The following ARHGAP44 variants were observed in gnomAD, a reference collection of about 807,000 sequenced individuals.
The protein encoded by ARHGAP44 is Rho GTPase activating protein 44, also known as rho GTPase-activating protein 44.
Under a neutral mutation model 106.8 loss-of-function variants are expected in ARHGAP44, and 43 were observed. The ratio of observed to expected loss-of-function variants is 0.40; its 90% CI spans 0.32 to 0.52. ARHGAP44 has a LOEUF of 0.52. Ranked by LOEUF, ARHGAP44 falls within the 20% of genes least tolerant of loss-of-function variation. ARHGAP44 has a pLI of 0.48. For missense variants in ARHGAP44, 866 were observed against 1,050.5 expected (o/e 0.82, Z 2.43); for synonymous variants, 439 against 410.3 (o/e 1.07, Z -0.85).
chr17:12,984,630 C>A lies in ARHGAP44; in HGVS notation c.2039C>A (p.Ser680Tyr), dbSNP rs1322810795. The change falls in exon 20 of 21, where the codon TCC becomes TAC. Residue 680 changes from serine to tyrosine, a missense_variant. Around this residue, in one of 2 missense-constraint regions of ARHGAP44, gnomAD observed 418 missense variants for 403.6 expected, o/e 1.04. Transcript: ENST00000379672. The part of the protein sequence containing the change: ...SAGQPSPVSL[S>Y]PTPPSTPSPY... ...GGCCAGCCGTCCCCAGTCAGCCTGT[C>A]CCCCACCCCGCCCAGCACCCCGTCA... 1 of 1,611,998 alleles carries A rather than the reference C, an allele frequency of 6.2e-7. No homozygotes were observed. The highest frequency in any genetic ancestry group is 8.5e-7 in the Non-Finnish European group (1 of 1,179,346).
chr17:12,961,924 A>G (rs1376619566), intron 16 of ARHGAP44, among the ~76,000 whole-genome samples: 3 of 152,192 alleles, frequency 2.0e-5, no homozygotes, highest in East Asian at 1.9e-4. Flanking sequence ...TTGAGTCCCT[A>G]TGTTATCTTA....
intron 1 of ARHGAP44, among the ~76,000 whole-genome samples, chr17:12,843,264 C>T (rs891808425): frequency 2.0e-5 from 3 of 152,156 alleles, no homozygotes; most frequent in African/African-American, 4.8e-5. Context: ...TTTCTCCCCC[C>T]ACCTCCCCAT....
chr17:12,977,808 G>A (rs543400014), intron 18 of ARHGAP44, among the ~76,000 whole-genome samples: 57 of 152,188 alleles, frequency 3.7e-4, no homozygotes, highest in Non-Finnish European at 6.9e-4. Context: ...GGGTGGCCGA[G>A]GGGGGTGGAT....
chr17:12,958,851 A>T lies in ARHGAP44; in HGVS notation c.1477A>T (p.Ser493Cys). 1 of 1,612,152 alleles carries T rather than the reference A, an allele frequency of 6.2e-7. No individual in the cohort carries two copies. Among genetic ancestry groups the T allele is most frequent in the Non-Finnish European group, 8.5e-7 (1 of 1,179,146 alleles). Residue 493 changes from serine to cysteine, a missense_variant, in exon 16 of 21, where the codon AGC (serine) becomes TGC (cysteine). Physicochemically the swap from Ser to Cys is moderately radical, Grantham distance 112 (BLOSUM62 -1). Around this residue, in one of 2 missense-constraint regions of ARHGAP44, gnomAD observed 448 missense variants for 646.9 expected, o/e 0.69. Transcript: ENST00000379672. The surrounding 1 kb of genome is among the most constrained non-coding windows in gnomAD (Gnocchi z 4.1). Reference sequence around the variant, plus strand: ...GCCCGAGCAGGCCCGCCGGCCCCTCAGCGTCGCCACGGATAATATGATGCT... The same window carrying T: ...GCCCGAGCAGGCCCGCCGGCCCCTCTGCGTCGCCACGGATAATATGATGCT... ...RQPEQARRPL[S>C]VATDNMMLEF...
intron 1 of ARHGAP44, among the ~76,000 whole-genome samples, chr17:12,851,131 G>A (rs1485839743): frequency 6.6e-6 from 1 of 152,214 alleles, no homozygotes; most frequent in Non-Finnish European, 1.5e-5. Flanking sequence ...AGCATCAGAC[G>A]TAGCAGTGTT....
chr17:12,894,227 T>TGAGA lies in ARHGAP44; in HGVS notation c.54-701_54-698dup, dbSNP rs796631389. Among the ~76,000 whole-genome samples the TGAGA allele has an allele frequency of 8.3e-3, 1,217 of 147,320 alleles. 14 individuals are homozygous for TGAGA. Among genetic ancestry groups the TGAGA allele is most frequent in the East Asian group, 0.043 (221 of 5,122 alleles). On this transcript the variant is annotated intron_variant, in intron 1 of 20. Transcript: ENST00000379672. The stretch of plus-strand genomic sequence containing the variant: ...TTTGCTGTGTTTGTGTGTGTGTGTG[T>TGAGA]GAGAGAGAGAGAGAGTGTGTGTGTG...
intron 1 of ARHGAP44, among the ~76,000 whole-genome samples, chr17:12,794,547 T>C (rs963151237): frequency 2.4e-4 from 36 of 152,198 alleles, no homozygotes; most frequent in African/African-American, 8.4e-4. Flanking sequence ...AAATGAGTGA[T>C]GTTCAAAGTG....
rs149978693 is a variant in ARHGAP44 at position 12,971,383 on chromosome 17, AG to A, written c.1524-1915del. Among the ~76,000 whole-genome samples, 350 of 152,240 alleles carry A rather than the reference AG, an allele frequency of 2.3e-3. 3 individuals are homozygous for A. The highest frequency in any genetic ancestry group is 3.8e-3 in the Non-Finnish European group (259 of 68,010). The stretch of plus-strand genomic sequence containing the variant: ...AAAGCCTTTTTCAAGTAGAAGAGAA[AG>A]GGGCAAGGAAGAGAAGGTGGGGTAG... On this transcript the variant is annotated intron_variant, in intron 16 of 20. Transcript: ENST00000379672.
At chr17:12,965,463 T>G (rs1188130841) in intron 16 of ARHGAP44, among the ~76,000 whole-genome samples, 1 of 152,216 alleles carries the variant, frequency 6.6e-6, no homozygotes, top group African/African-American at 2.4e-5. Flanking sequence ...CCCACCCCTG[T>G]GGACTTTAAT....
At chr17:12,830,968 T>C (rs2150812493) in intron 1 of ARHGAP44, among the ~76,000 whole-genome samples, 1 of 152,336 alleles carries the variant, frequency 6.6e-6, no homozygotes, top group Middle Eastern at 3.4e-3. Flanking sequence ...TGGGGACACG[T>C]CCCCTTCTGA....
At chr17:12,896,175 G>A (rs2037198039) in intron 2 of ARHGAP44, among the ~76,000 whole-genome samples, 1 of 151,674 alleles carries the variant, frequency 6.6e-6, no homozygotes, top group African/African-American at 2.4e-5. Flanking sequence ...GAGTTAATGG[G>A]TGCAGCACAC....
chr17:12,882,416 G>A (rs2036766724), intron 1 of ARHGAP44, among the ~76,000 whole-genome samples: 2 of 151,950 alleles, frequency 1.3e-5, no homozygotes, highest in South Asian at 4.2e-4. Context: ...GTCAGTATAG[G>A]TTCTTCCCTT....
At position 12,896,390 on chromosome 17, in the gene ARHGAP44, C is replaced by A. The variant is rs754137391; in HGVS notation, c.94-17C>A. The A allele has an allele frequency of 6.4e-6, 10 of 1,574,098 alleles. No homozygotes were observed. The highest frequency in any genetic ancestry group is 5.9e-5 in the South Asian group (5 of 85,448). On this transcript the variant is annotated splice_polypyrimidine_tract_variant and intron_variant, in intron 2 of 20. Coordinates refer to ENST00000379672, the MANE Select transcript of ARHGAP44 (RefSeq NM_014859.6). ...CTTGCCCTCTCTCAGTGGCACCACC[C>A]GCTCTTCTCTCTGCAGGTGGAGAAG...
chr17:12,812,420 G>A (rs1385743844), intron 1 of ARHGAP44, among the ~76,000 whole-genome samples: 1 of 152,124 alleles, frequency 6.6e-6, no homozygotes, highest in Non-Finnish European at 1.5e-5. Flanking sequence ...GTACACTAAA[G>A]CAAAGGGGAC....
chr17:12,912,345 A>G (rs528983821), intron 4 of ARHGAP44, among the ~76,000 whole-genome samples: 11 of 152,324 alleles, frequency 7.2e-5, no homozygotes, highest in Admixed American at 5.9e-4. Context: ...AAATATGAAG[A>G]AATCCTCATA....
At chr17:12,966,115 C>T (rs1360567189) in intron 16 of ARHGAP44, among the ~76,000 whole-genome samples, 1 of 147,326 alleles carries the variant, frequency 6.8e-6, no homozygotes, top group Non-Finnish European at 1.5e-5. Flanking sequence ...GTGATAGTGT[C>T]ACTGCACTCC....
chr17:12,908,187 A>C (rs1439628168), intron 3 of ARHGAP44, among the ~76,000 whole-genome samples: 1 of 109,902 alleles, frequency 9.1e-6, no homozygotes, highest in African/African-American at 3.8e-5. Context: ...TAGCTGCCTC[A>C]TTTCTTTTTT....
chr17:12,816,159 A>C (rs1163782362), intron 1 of ARHGAP44, among the ~76,000 whole-genome samples: 2 of 152,182 alleles, frequency 1.3e-5, no homozygotes, highest in African/African-American at 2.4e-5. Context: ...GAAGGAAGCC[A>C]ACAAAGAAAA....
chr17:12,859,448 C>T (rs530831434), intron 1 of ARHGAP44, among the ~76,000 whole-genome samples: 2 of 152,284 alleles, frequency 1.3e-5, no homozygotes, highest in African/African-American at 2.4e-5. Flanking sequence ...TTTTTCCTGG[C>T]ATGAACCCGT....
Sources: gnomAD v4.1 joint callset for allele counts (sites outside exome capture counted in the v4.1 genomes callset) on GRCh38, gnomAD v4.1.1 for gene constraint, gnomAD v4.1.1 regional missense constraint, Gnocchi (gnomAD v3.1) non-coding constraint, MANE v1.5 for transcripts, NCBI Gene and HGNC (gene_info 2026-07-23, HGNC 2026-07-21) for gene names.